The following NUP35 variants were observed in gnomAD, a reference collection of about 807,000 sequenced individuals.
NUP35 encodes nucleoporin 35.
Under a neutral mutation model 41.5 loss-of-function variants are expected in NUP35, and 25 were observed. The observed-to-expected ratio is 0.60, with a 90% CI of 0.44 to 0.84. The LOEUF (loss-of-function observed/expected upper bound fraction) is 0.84, where lower values mean the gene tolerates loss of function less well. Ranked by LOEUF, NUP35 falls within the 40% of genes least tolerant of loss-of-function variation. The pLI is 0.00. For synonymous variants in NUP35, 149 were observed against 130.7 expected (o/e 1.14, Z -0.96); for missense variants, 396 against 396.6 (o/e 1.00, Z 0.01).
At chr2:183,146,757 C>T (rs552166482) in intron 4 of NUP35, among the ~76,000 whole-genome samples, 12 of 151,988 alleles carry the variant, frequency 7.9e-5, no homozygotes, top group South Asian at 2.1e-4. Context: ...CCACCATGCC[C>T]GGCTAGTTTT....
At chr2:183,130,325 A>C in intron 2 of NUP35, 93 bp from the exon 3 acceptor site, 1 of 1,312,282 alleles carries the variant, frequency 7.6e-7, no homozygotes, top group Non-Finnish European at 1.0e-6. Flanking sequence ...ACTAACAGAC[A>C]AGATTTTAAG....
rs114029289 is a variant in NUP35, at chr2:183,148,164, T to C, written c.398-3344T>C. On this transcript the variant is annotated intron_variant, in intron 4 of 8. Transcript: ENST00000295119. The stretch of plus-strand genomic sequence containing the variant: ...CTTTCCTTTAAATGGCTGAATAATA[T>C]TCCGTTGTATATATACACCACATTT... 2.4e-3 allele frequency among the ~76,000 whole-genome samples: 363 copies of C among 152,374 alleles called. 3 individuals are homozygous for C. The highest frequency in any genetic ancestry group is 8.3e-3 in the African/African-American group (347 of 41,584).
At chr2:183,135,229 T>C (rs543623274) in intron 4 of NUP35, among the ~76,000 whole-genome samples, 226 of 152,316 alleles carry the variant, frequency 1.5e-3, no homozygotes, top group African/African-American at 5.2e-3. Flanking sequence ...TGGACATCAT[T>C]TGGGGACCTA....
chr2:183,124,627 G>A, intron 1 of NUP35, 130 bp downstream of exon 1: 2 of 1,206,698 alleles, frequency 1.7e-6, no homozygotes, highest in Non-Finnish European at 2.4e-6. Flanking sequence ...ATCCTTGGGT[G>A]CCCCCAAGTT....
intron 1 of NUP35, among the ~76,000 whole-genome samples, chr2:183,125,036 T>A (rs1437351701): frequency 1.3e-5 from 2 of 151,978 alleles, no homozygotes; most frequent in African/African-American, 4.9e-5. Flanking sequence ...TCGTGCAACA[T>A]TTAATCAACC....
intron 8 of NUP35, 115 bp downstream of exon 8, chr2:183,159,767 A>G: frequency 1.3e-6 from 1 of 764,184 alleles, no homozygotes; most frequent in Non-Finnish European, 2.0e-6. Flanking sequence ...GGAGGCTATT[A>G]CCTTGATGAA....
At chr2:183,140,853 G>A (rs1241565042) in intron 4 of NUP35, among the ~76,000 whole-genome samples, 47 of 146,408 alleles carry the variant, frequency 3.2e-4, no homozygotes, top group South Asian at 6.5e-4. Flanking sequence ...AAATTAAATA[G>A]AACTTTAATA....
Position 183,128,512 on chromosome 2 carries a change from A to G in NUP35, c.211+55A>G, listed in dbSNP as rs1420149587. On this transcript the variant is annotated intron_variant, in intron 2 of 8. Coordinates refer to ENST00000295119, the MANE Select transcript of NUP35 (RefSeq NM_138285.5). ...GACATGCTAGATACAGGGATGTCCAATTTTTTGGCTTCCCTGAACCACATT... is the reference window on the plus strand; with the variant it reads ...GACATGCTAGATACAGGGATGTCCAGTTTTTTGGCTTCCCTGAACCACATT... The G allele has an allele frequency of 5.7e-6, 8 of 1,391,662 alleles. No individual in the cohort carries two copies. The African/African-American group carries it at 7.2e-5, about 12-fold the overall frequency. The allele number at this position is 1,391,662 out of a possible 1,614,324, so 86.2% of individuals were successfully genotyped here.
At chr2:183,146,745 C>T (rs956040739) in intron 4 of NUP35, among the ~76,000 whole-genome samples, 37 of 152,094 alleles carry the variant, frequency 2.4e-4, no homozygotes, top group African/African-American at 8.2e-4. Flanking sequence ...TACAGGCACC[C>T]GCCACCATGC....
At chr2:183,140,318 A>G (rs1685043845) in intron 4 of NUP35, among the ~76,000 whole-genome samples, 1 of 151,992 alleles carries the variant, frequency 6.6e-6, no homozygotes, top group South Asian at 2.1e-4. Context: ...CCCAGTGTCC[A>G]GTGAGTGTTT....
chr2:183,128,689 T>C (rs1357066131), intron 2 of NUP35, among the ~76,000 whole-genome samples: 2 of 152,148 alleles, frequency 1.3e-5, no homozygotes, highest in African/African-American at 4.8e-5. Flanking sequence ...CATCCTGGGC[T>C]TCATGCGGTG....
intron 8 of NUP35, 155 bp from the exon 9 acceptor site, chr2:183,160,899 G>C: frequency 1.9e-6 from 1 of 526,634 alleles, no homozygotes; most frequent in Non-Finnish European, 3.5e-6. Flanking sequence ...TGGCTAACAC[G>C]GTGAAACCCC....
chr2:183,124,627 GCCC>G (rs759522348), intron 1 of NUP35, 130 bp downstream of exon 1: 5 of 1,206,704 alleles, frequency 4.1e-6, no homozygotes, highest in Non-Finnish European at 6.0e-6. Flanking sequence ...ATCCTTGGGT[GCCC>G]CCAAGTTCAT....
chr2:183,151,592 A>C lies in NUP35; in HGVS notation c.482A>C (p.Gln161Pro). ...SPAQLDPFYT[Q>P]GDSLTSEDHL... ...GCCCAGTTGGATCCTTTTTATACTC[A>C]AGGAGATTCTTTGACTTCAGAAGAT... The change falls in exon 5 of 9, where the codon CAA (glutamine) becomes CCA (proline). Residue 161 changes from glutamine (Q) to proline (P), a missense_variant. Coordinates refer to ENST00000295119, the MANE Select transcript of NUP35 (RefSeq NM_138285.5). 6.2e-7 allele frequency: 1 copy of C among 1,613,878 alleles called. No individual in the cohort carries two copies. Among genetic ancestry groups the C allele is most frequent in the East Asian group, 2.2e-5 (1 of 44,864 alleles).
At chr2:183,153,877 A>T (rs1166194855) in intron 5 of NUP35, among the ~76,000 whole-genome samples, 1 of 152,186 alleles carries the variant, frequency 6.6e-6, no homozygotes, top group Non-Finnish European at 1.5e-5. Flanking sequence ...GAGGTTCTCC[A>T]TGAGGGCCCC....
intron 6 of NUP35, 41 bp downstream of exon 6, chr2:183,157,554 A>AG: frequency 2.2e-6 from 3 of 1,333,554 alleles, no homozygotes; most frequent in Non-Finnish European, 1.1e-6. Flanking sequence ...TTGACTAAAG[A>AG]GGGATAAGTT....
Position 183,157,437 on chromosome 2 carries a change from T to C in NUP35, c.540-7T>C, listed in dbSNP as rs757305071. On this transcript the variant is annotated splice_region_variant and splice_polypyrimidine_tract_variant and intron_variant, in intron 5 of 8. Transcript: ENST00000295119. ...TGACGTTTTCTTTGGACAACTCTTT[T>C]TTTCAGGTTTCCTCAAGCATCTGCT... 4 of 1,605,566 alleles carry C rather than the reference T, an allele frequency of 2.5e-6. No individual in the cohort carries two copies. In the East Asian group the frequency reaches 8.9e-5, roughly 36 times the overall value.
chr2:183,151,445 T>G, intron 4 of NUP35, 63 bp from the exon 5 acceptor site: 1 of 1,498,368 alleles, frequency 6.7e-7, no homozygotes, highest in Non-Finnish European at 9.1e-7. Flanking sequence ...AACTAAGATT[T>G]TTGATTTAGA....
chr2:183,148,510 GT>G (rs1685356234), intron 4 of NUP35, among the ~76,000 whole-genome samples: 1 of 152,108 alleles, frequency 6.6e-6, no homozygotes, highest in African/African-American at 2.4e-5. Context: ...CTAGGGTAAG[GT>G]GATGATGTAG....
Sources: gnomAD v4.1 joint callset for allele counts (sites outside exome capture counted in the v4.1 genomes callset) on GRCh38, gnomAD v4.1.1 for gene constraint, MANE v1.5 for transcripts, NCBI Gene and HGNC (gene_info 2026-07-23, HGNC 2026-07-21) for gene names.